Variants in VWA8 observed in about 807,000 individuals in gnomAD.
VWA8 encodes the protein von Willebrand factor A domain-containing protein 8.
In VWA8, 221 loss-of-function variants were observed where a neutral mutation model predicts 241.5. The ratio of observed to expected loss-of-function variants is 0.91; its 90% CI spans 0.82 to 1.02. The LOEUF (loss-of-function observed/expected upper bound fraction) is 1.02. VWA8 is among the 50% of genes least tolerant of loss of function. The pLI is 0.00. For synonymous variants in VWA8, 852 were observed against 827.1 expected (o/e 1.03, Z -0.52); for missense variants, 2,322 against 2,328.7 (o/e 1.00, Z 0.06).
intron 6 of VWA8, among the ~76,000 whole-genome samples, 169 bp from the exon 7 acceptor site, chr13:41,886,999 T>TA (rs1247133498): frequency 7.9e-5 from 12 of 152,092 alleles, no homozygotes; most frequent in Admixed American, 3.9e-4. Flanking sequence ...GCCAGCCTTT[T>TA]AAAAAAAATC....
rs115959983 is a variant in VWA8 at position 41,918,095 on chromosome 13, T to C, written c.242-5927A>G. On this transcript the variant is annotated intron_variant, in intron 2 of 44. Coordinates refer to ENST00000379310, the MANE Select transcript of VWA8 (RefSeq NM_015058.2). ...CGAACTAACTGAACTAAAAAATTAA[T>C]TTATTCACACAGCTATATTTATTAA... Among the ~76,000 whole-genome samples the C allele has an allele frequency of 8.5e-3, 1,293 of 152,344 alleles. 21 individuals are homozygous for C. Among genetic ancestry groups the C allele is most frequent in the African/African-American group, 0.03 (1,237 of 41,564 alleles).
chr13:41,922,606 G>C (rs12871212), intron 2 of VWA8, among the ~76,000 whole-genome samples: 9 of 151,886 alleles, frequency 5.9e-5, no homozygotes, highest in African/African-American at 1.2e-4. Context: ...CAAACAACCC[G>C]ATCAACAAGT....
intron 39 of VWA8, among the ~76,000 whole-genome samples, chr13:41,608,904 C>T (rs2044569582): frequency 6.6e-6 from 1 of 152,182 alleles, no homozygotes; most frequent in African/African-American, 2.4e-5. Flanking sequence ...TATCAAAATG[C>T]TGTGTTGATG....
intron 17 of VWA8, among the ~76,000 whole-genome samples, chr13:41,800,040 A>T (rs973669262): frequency 8.5e-5 from 13 of 152,200 alleles, no homozygotes; most frequent in Non-Finnish European, 1.5e-4. Context: ...GCCAAACAAT[A>T]TGTGGTCCTA....
chr13:41,941,645 T>G (rs1407904101), intron 2 of VWA8, among the ~76,000 whole-genome samples: 1 of 152,184 alleles, frequency 6.6e-6, no homozygotes, highest in Non-Finnish European at 1.5e-5. Context: ...TAGCAGCCCC[T>G]AGTAATCCCC....
chr13:41,784,750 A>ATATATG (rs1869103470), intron 18 of VWA8, among the ~76,000 whole-genome samples: 1 of 116,204 alleles, frequency 8.6e-6, no homozygotes, highest in South Asian at 3.0e-4. Flanking sequence ...ATATATATAT[A>ATATATG]TATATATATA....
At chr13:41,728,444 G>T (rs2045454743) in intron 23 of VWA8, among the ~76,000 whole-genome samples, 1 of 152,018 alleles carries the variant, frequency 6.6e-6, no homozygotes, top group Non-Finnish European at 1.5e-5. Context: ...AATCATATTT[G>T]AGTGTAAAAT....
intron 19 of VWA8, among the ~76,000 whole-genome samples, chr13:41,783,382 G>A (rs969592056): frequency 3.3e-5 from 5 of 151,926 alleles, no homozygotes; most frequent in African/African-American, 1.2e-4. Flanking sequence ...GCTCACGCCT[G>A]TAATACTAGC....
At position 41,698,933 on chromosome 13, in the gene VWA8, A is replaced by C. The variant is rs549445182; in HGVS notation, c.3564+138T>G. 28 of 1,123,264 alleles carry C rather than the reference A, an allele frequency of 2.5e-5. No homozygotes were observed. In the Admixed American group the frequency reaches 3.9e-4, roughly 16 times the overall value. 69.6% of individuals were successfully genotyped at this position (1,123,264 alleles called of 1,614,324 possible). On this transcript the variant is annotated intron_variant, in intron 29 of 44. Transcript: ENST00000379310. ...TTAGCCTGCCTTTGTAGTACTGATA[A>C]AATGCAACTCCTGACCCATCCCTCC... is the stretch of plus-strand genomic sequence containing the variant.
At chr13:41,900,635 A>T (rs1466333053) in intron 4 of VWA8, among the ~76,000 whole-genome samples, 2 of 152,224 alleles carry the variant, frequency 1.3e-5, no homozygotes, top group Non-Finnish European at 2.9e-5. Context: ...ACAAAATTAG[A>T]ATATCCTCAA....
chr13:41,732,277 C>T (rs73183341), intron 21 of VWA8, 122 bp from the exon 22 acceptor site: 10,167 of 723,832 alleles, frequency 0.014, 91 homozygotes, highest in South Asian at 0.016. Flanking sequence ...CTTCCCCTTC[C>T]CCCACCAAAA....
intron 13 of VWA8, among the ~76,000 whole-genome samples, chr13:41,832,000 G>A (rs1407054360): frequency 4.0e-5 from 6 of 149,882 alleles, no homozygotes; most frequent in African/African-American, 4.9e-5. Context: ...GCGCCATCTC[G>A]GCTCACTGCA....
intron 41 of VWA8, among the ~76,000 whole-genome samples, chr13:41,588,204 G>T (rs1339213674): frequency 1.3e-5 from 2 of 152,166 alleles, no homozygotes; most frequent in Non-Finnish European, 1.5e-5. Flanking sequence ...TTAAAGAAAA[G>T]ATTTTAAAAA....
chr13:41,698,240 G>A (rs2045227535), intron 29 of VWA8, among the ~76,000 whole-genome samples: 2 of 151,872 alleles, frequency 1.3e-5, no homozygotes, highest in South Asian at 4.2e-4. Context: ...CCAATAGGAG[G>A]CACATGATAT....
At chr13:41,607,514 C>T (rs547216483) in intron 39 of VWA8, among the ~76,000 whole-genome samples, 1 of 152,238 alleles carries the variant, frequency 6.6e-6, no homozygotes, top group Non-Finnish European at 1.5e-5. Context: ...GCACAATGAA[C>T]AATGCAGGAC....
At chr13:41,830,317 T>TAAAA (rs397977609) in intron 14 of VWA8, among the ~76,000 whole-genome samples, 19 of 146,020 alleles carry the variant, frequency 1.3e-4, no homozygotes, top group African/African-American at 4.5e-4. Context: ...TTTTTTTTTT[T>TAAAA]AAAAAAAAAA....
intron 43 of VWA8, among the ~76,000 whole-genome samples, chr13:41,573,426 CAA>C (rs981565180): frequency 2.5e-5 from 3 of 117,846 alleles, no homozygotes; most frequent in Non-Finnish European, 5.2e-5. Context: ...TCAAAACAAA[CAA>C]AGAATAAGAC....
intron 9 of VWA8, among the ~76,000 whole-genome samples, chr13:41,876,683 T>C (rs1477331302): frequency 6.6e-6 from 1 of 152,134 alleles, no homozygotes; most frequent in Non-Finnish European, 1.5e-5. Flanking sequence ...CCTGGCTAAT[T>C]GATTGGATGG....
At position 41,891,460 on chromosome 13, in the gene VWA8, C is replaced by T. The variant is rs745914537; in HGVS notation, c.611G>A (p.Arg204His). Residue 204 changes from arginine (R) to histidine (H), a missense_variant, in exon 5 of 45, where the codon CGC becomes CAC. Transcript: ENST00000379310. ...ENREMQLEDG[R>H]FLMSAERYDK... is the part of the protein sequence containing the mutation. Reference sequence around the variant, plus strand: ...GTAACGCTCAGCAGACATCAGGAAGCGTCCATCTTCAAGCTGCATCTCTCT... The same window carrying T: ...GTAACGCTCAGCAGACATCAGGAAGTGTCCATCTTCAAGCTGCATCTCTCT... 28 of 1,614,064 alleles carry T rather than the reference C, an allele frequency of 1.7e-5. No homozygotes were observed. Among genetic ancestry groups the T allele is most frequent in the Middle Eastern group, 3.3e-4 (2 of 6,084 alleles).
Sources: allele counts gnomAD v4.1 joint callset (sites outside exome capture counted in the v4.1 genomes callset), GRCh38; gene constraint gnomAD v4.1.1; transcripts MANE v1.5; gene names NCBI Gene and HGNC (gene_info 2026-07-23, HGNC 2026-07-21).